The following MSX1 variants were observed in gnomAD, a reference collection of about 807,000 sequenced individuals.
MSX1 encodes the protein homeobox protein MSX-1.
A neutral mutation model predicts 17.0 loss-of-function variants in MSX1; 11 were observed. The ratio of observed to expected loss-of-function variants is 0.65; its 90% CI spans 0.41 to 1.07. The LOEUF (loss-of-function observed/expected upper bound fraction) is 1.07. Ranked by LOEUF, MSX1 falls within the 50% of genes least tolerant of loss-of-function variation. The probability of loss-of-function intolerance (pLI) is 0.00; values close to 1 mark genes in which losing one functional copy is unlikely to be tolerated. For missense variants in MSX1, 477 were observed against 440.1 expected (o/e 1.08, Z -0.75); for synonymous variants, 253 against 211.8 (o/e 1.19, Z -1.69).
In MSX1 at chr4:4,859,855, C is replaced by T; in HGVS notation, c.-45C>T. On this transcript the variant is annotated 5_prime_UTR_variant, in exon 1 of 2. Coordinates refer to ENST00000382723, the MANE Select transcript of MSX1 (RefSeq NM_002448.3). Reference sequence around the variant, plus strand: ...TCCCAGCCCGCCCGGAGCCCATGCCCGGCGGCTGGCCAGTGCTGCGGCAGA... The same window carrying T: ...TCCCAGCCCGCCCGGAGCCCATGCCTGGCGGCTGGCCAGTGCTGCGGCAGA... 6 of 1,422,498 alleles carry T rather than the reference C, an allele frequency of 4.2e-6. No homozygotes were observed. Among genetic ancestry groups the T allele is most frequent in the Middle Eastern group, 2.5e-4 (1 of 3,934 alleles). The allele number at this position is 1,422,498 out of a possible 1,614,324, so 88.1% of individuals were successfully genotyped here.
rs376130060 is a variant in MSX1, at chr4:4,863,147, G to A, written c.*4G>A. On this transcript the variant is annotated 3_prime_UTR_variant, in exon 2 of 2. Coordinates refer to ENST00000382723, the MANE Select transcript of MSX1 (RefSeq NM_002448.3). ...CAGCATGTACCACCTGACATAGAGGGTCCCAGGTCGCCCACCTGTGGGCCA... is the reference window on the plus strand; with the variant it reads ...CAGCATGTACCACCTGACATAGAGGATCCCAGGTCGCCCACCTGTGGGCCA... 30 of 1,593,292 alleles carry A rather than the reference G, an allele frequency of 1.9e-5. No homozygotes were observed. The African/African-American group carries it at 2.4e-4, about 13-fold the overall frequency.
intron 1 of MSX1, chr4:4,862,291 C>T (rs569545371): frequency 1.2e-4 from 42 of 363,722 alleles, no homozygotes; most frequent in South Asian, 1.0e-3. Flanking sequence ...GGCGCAGGGC[C>T]TCTTTCTGCA....
In MSX1 at chr4:4,859,875, G is replaced by A. The variant is rs1433603680; in HGVS notation, c.-25G>A. On this transcript the variant is annotated 5_prime_UTR_variant, in exon 1 of 2. Transcript: ENST00000382723. ...ATGCCCGGCGGCTGGCCAGTGCTGC[G>A]GCAGAAGGGGGGGCCCGGCTCTGCA... The A allele has an allele frequency of 2.7e-6, 4 of 1,469,194 alleles. No homozygotes were observed. The Admixed American group carries it at 7.4e-5, about 27-fold the overall frequency. The allele number at this position is 1,469,194 out of a possible 1,614,324, so 91.0% of individuals were successfully genotyped here.
intron 1 of MSX1, among the ~76,000 whole-genome samples, chr4:4,860,778 C>G (rs903504547): frequency 6.6e-6 from 1 of 152,222 alleles, no homozygotes; most frequent in Non-Finnish European, 1.5e-5. Context: ...CTGGTGTCCC[C>G]CAGCCCCTCT....
intron 1 of MSX1, chr4:4,862,402 TTCACATC>T: frequency 1.7e-6 from 1 of 590,032 alleles, no homozygotes; most frequent in Non-Finnish European, 3.1e-6. Flanking sequence ...CAAAGGTGAT[TTCACATC>T]TTCCCAGCTG....
intron 1 of MSX1, among the ~76,000 whole-genome samples, chr4:4,861,358 C>T (rs1187057216): frequency 6.6e-6 from 1 of 152,242 alleles, no homozygotes; most frequent in Admixed American, 6.5e-5. Context: ...AGTTGGGGGC[C>T]AAGCGCTTCC....
intron 1 of MSX1, among the ~76,000 whole-genome samples, chr4:4,861,728 C>T (rs1293132870): frequency 6.6e-6 from 1 of 152,246 alleles, no homozygotes; most frequent in East Asian, 1.9e-4. Context: ...CCCCAGCAGA[C>T]CCCATCCCCG....
Position 4,859,801 on chromosome 4 carries a change from C to A in MSX1, c.-99C>A. 9.3e-7 allele frequency: 1 copy of A among 1,076,778 alleles called. No homozygotes were observed. Among genetic ancestry groups the A allele is most frequent in the Non-Finnish European group, 1.2e-6 (1 of 840,698 alleles). 66.7% of individuals were successfully genotyped at this position (1,076,778 alleles called of 1,614,324 possible). On this transcript the variant is annotated 5_prime_UTR_variant, in exon 1 of 2. Coordinates refer to ENST00000382723, the MANE Select transcript of MSX1 (RefSeq NM_002448.3). ...CGCGGGAGGGTCCGCCCGGCCAGGG[C>A]CCCGGGCGCTCGCAGAGGCCGGCCG...
At chr4:4,862,305 TC>T (rs2108778384) in intron 1 of MSX1, 1 of 378,270 alleles carries the variant, frequency 2.6e-6, no homozygotes, top group East Asian at 6.5e-5. Flanking sequence ...TTCTGCATGT[TC>T]GTCAACTGTA....
rs1437103928 is a variant in MSX1, at chr4:4,860,363, C to G, written c.464C>G (p.Pro155Arg). The G allele has an allele frequency of 6.5e-7, 1 of 1,541,540 alleles. No homozygotes were observed. Among genetic ancestry groups the G allele is most frequent in the Non-Finnish European group, 8.8e-7 (1 of 1,133,672 alleles). The change falls in exon 1 of 2, where the codon CCG becomes CGG. Residue 155 changes from proline (P) to arginine (R), a missense_variant. By Grantham distance (103) the Pro-to-Arg change is moderately radical. Around this residue, in one of 3 missense-constraint regions of MSX1, gnomAD observed 355 missense variants for 306.1 expected, o/e 1.16. Transcript: ENST00000382723. ...CAGAGCCCCCGCTTCTCCCCGCCGC[C>G]GGCCAGTGAGTAGCCAGAACCCAGG... Reference protein sequence around the residue: ...WMQSPRFSPPPARRLSPPACT... With the variant: ...WMQSPRFSPPRARRLSPPACT...
In MSX1 at chr4:4,863,016, C is replaced by CTGTA; in HGVS notation, c.786_789dup (p.Ala264CysfsTer77). On this transcript the variant is annotated frameshift_variant, in exon 2 of 2. Transcript: ENST00000382723. LOFTEE classifies it high-confidence loss of function. Reference sequence around the variant, plus strand: ...TCCTTCCCTCTCGGCGGCCCCGCAGCTGTAGCGGCCGCGGCGGGTGCCTCG... The same window carrying CTGTA: ...TCCTTCCCTCTCGGCGGCCCCGCAGCTGTATGTAGCGGCCGCGGCGGGTGCCTCG... The CTGTA allele has an allele frequency of 6.2e-7, 1 of 1,611,508 alleles. No individual in the cohort carries two copies. Among genetic ancestry groups the CTGTA allele is most frequent in the Non-Finnish European group, 8.5e-7 (1 of 1,179,298 alleles).
At chr4:4,861,431 C>G (rs554221410) in intron 1 of MSX1, among the ~76,000 whole-genome samples, 6 of 152,264 alleles carry the variant, frequency 3.9e-5, no homozygotes, top group Non-Finnish European at 1.5e-5. Context: ...TCGTTTGACT[C>G]ACATCCTGGT....
At position 4,860,007 on chromosome 4, in the gene MSX1, C is replaced by T; in HGVS notation, c.108C>T (p.Ala36=). The part of the protein sequence containing the change: ...GGGAGQAPSA[A]AATAAAMGAD... ...GCGCGGGCCAGGCCCCCAGCGCCGC[C>T]GCGGCCACGGCAGCCGCCATGGGCG... is the stretch of plus-strand genomic sequence containing the variant. Residue 36 remains alanine, a synonymous_variant, in exon 1 of 2, where the codon GCC becomes GCT. Transcript: ENST00000382723. 2.0e-6 allele frequency: 3 copies of T among 1,498,062 alleles called. No individual in the cohort carries two copies. Among genetic ancestry groups the T allele is most frequent in the Admixed American group, 2.3e-5 (1 of 43,486 alleles). The allele number at this position is 1,498,062 out of a possible 1,614,324, so 92.8% of individuals were successfully genotyped here. A position where few individuals can be genotyped will look rare whatever the true frequency, so the allele number is the denominator to read the frequency against.
chr4:4,860,391 C>T (rs1164923552), intron 1 of MSX1, 23 bp downstream of exon 1: 2 of 1,588,726 alleles, frequency 1.3e-6, no homozygotes, highest in African/African-American at 2.8e-5. Flanking sequence ...AACCCAGGCG[C>T]AGAGGGAGGG....
At position 4,860,274 on chromosome 4, in the gene MSX1, G is replaced by A. The variant is rs751788640; in HGVS notation, c.375G>A (p.Lys125=). ...LGHFSVGGLL[K]LPEDALVKAE... The stretch of plus-strand genomic sequence containing the variant: ...ATTTCTCGGTGGGGGGACTCCTCAA[G>A]CTGCCAGAAGATGCGCTCGTCAAAG... The change falls in exon 1 of 2, where the codon AAG becomes AAA. Residue 125 remains lysine, a synonymous_variant. Transcript: ENST00000382723. 1.3e-5 allele frequency: 20 copies of A among 1,596,520 alleles called. No individual in the cohort carries two copies. The African/African-American group carries it at 2.4e-4, about 19-fold the overall frequency.
At chr4:4,862,205 A>G (rs1234121165) in intron 1 of MSX1, among the ~76,000 whole-genome samples, 1 of 152,250 alleles carries the variant, frequency 6.6e-6, no homozygotes, top group Non-Finnish European at 1.5e-5. Context: ...AAAACTGCCT[A>G]GCCCCACACT....
intron 1 of MSX1, chr4:4,862,290 CCT>C (rs973409461): frequency 1.1e-5 from 4 of 362,506 alleles, no homozygotes; most frequent in Non-Finnish European, 2.1e-5. Flanking sequence ...GGGCGCAGGG[CCT>C]CTTTCTGCAT....
chr4:4,862,837 C>A lies in MSX1; in HGVS notation c.606C>A (p.Arg202=). 3 of 1,613,818 alleles carry A rather than the reference C, an allele frequency of 1.9e-6. No individual in the cohort carries two copies. Among genetic ancestry groups the A allele is most frequent in the Non-Finnish European group, 2.5e-6 (3 of 1,180,028 alleles). The change falls in exon 2 of 2, where the codon CGC becomes CGA. Residue 202 remains arginine, a synonymous_variant. Transcript: ENST00000382723. ...RQKQYLSIAE[R]AEFSSSLSLT... The stretch of plus-strand genomic sequence containing the variant: ...AGCAGTACCTGTCCATCGCCGAGCG[C>A]GCGGAGTTCTCCAGCTCGCTCAGCC...
chr4:4,860,290 C>G lies in MSX1; in HGVS notation c.391C>G (p.Leu131Val). The change falls in exon 1 of 2, where the codon CTC (leucine) becomes GTC (valine). Residue 131 changes from leucine (L) to valine (V), a missense_variant. Around this residue, in one of 3 missense-constraint regions of MSX1, gnomAD observed 355 missense variants for 306.1 expected, o/e 1.16. Coordinates refer to ENST00000382723, the MANE Select transcript of MSX1 (RefSeq NM_002448.3). Reference protein sequence around the residue: ...GGLLKLPEDALVKAESPEKPE... With the variant: ...GGLLKLPEDAVVKAESPEKPE... ...ACTCCTCAAGCTGCCAGAAGATGCGCTCGTCAAAGCCGAGAGCCCCGAGAA... is the reference window on the plus strand; with the variant it reads ...ACTCCTCAAGCTGCCAGAAGATGCGGTCGTCAAAGCCGAGAGCCCCGAGAA... 2 of 1,600,860 alleles carry G rather than the reference C, an allele frequency of 1.2e-6. No homozygotes were observed. Among genetic ancestry groups the G allele is most frequent in the Non-Finnish European group, 1.7e-6 (2 of 1,179,568 alleles).
Sources: allele counts gnomAD v4.1 joint callset (sites outside exome capture counted in the v4.1 genomes callset), GRCh38; gene constraint gnomAD v4.1.1; regional missense constraint gnomAD v4.1.1; transcripts MANE v1.5; gene names NCBI Gene and HGNC (gene_info 2026-07-23, HGNC 2026-07-21).